Variants in SLCO1B3 observed in about 807,000 individuals in gnomAD.
The protein encoded by SLCO1B3 is solute carrier organic anion transporter family member 1B3.
A neutral mutation model predicts 71.8 loss-of-function variants in SLCO1B3; 72 were observed. The ratio of observed to expected loss-of-function variants is 1.00; its 90% CI spans 0.83 to 1.22. SLCO1B3 has a LOEUF of 1.22. SLCO1B3 is among the 50% of genes most tolerant of loss of function. SLCO1B3 has a pLI of 0.00. For missense variants in SLCO1B3, 911 were observed against 819.7 expected (o/e 1.11, Z -1.36); for synonymous variants, 298 against 278.4 (o/e 1.07, Z -0.70).
chr12:20,882,069 A>G (rs1195795917), intron 12 of SLCO1B3, among the ~76,000 whole-genome samples: 1 of 152,182 alleles, frequency 6.6e-6, no homozygotes, highest in Non-Finnish European at 1.5e-5. Context: ...TTCATCAGCT[A>G]TAGTATCTTT....
At chr12:20,834,447 TTAGG>T (rs1490961191) in intron 3 of SLCO1B3, among the ~76,000 whole-genome samples, 3 of 146,714 alleles carry the variant, frequency 2.0e-5, no homozygotes, top group Admixed American at 1.4e-4. Flanking sequence ...TAATATAACC[TTAGG>T]TAGGGTAATG....
At chr12:20,827,870 C>T (rs1428563979) in intron 3 of SLCO1B3, among the ~76,000 whole-genome samples, 2 of 152,054 alleles carry the variant, frequency 1.3e-5, no homozygotes, top group Non-Finnish European at 2.9e-5. Flanking sequence ...GCACAAGCTC[C>T]AATTTCTTAT....
At chr12:20,883,842 C>T (rs959521985) in intron 13 of SLCO1B3, among the ~76,000 whole-genome samples, 5 of 66,110 alleles carry the variant, frequency 7.6e-5, no homozygotes, top group African/African-American at 1.2e-4. Context: ...AATCTTAAGG[C>T]ACACACTGAT....
chr12:20,814,170 A>G (rs1008441802), intron 2 of SLCO1B3, among the ~76,000 whole-genome samples: 1 of 152,194 alleles, frequency 6.6e-6, no homozygotes, highest in Non-Finnish European at 1.5e-5. Context: ...TGTATGAACA[A>G]GAATACATCT....
chr12:20,839,256 GTC>G (rs1378201727), intron 3 of SLCO1B3, among the ~76,000 whole-genome samples: 2 of 151,850 alleles, frequency 1.3e-5, no homozygotes, highest in Admixed American at 1.3e-4. Context: ...TTTCTGCAGT[GTC>G]TCTCTGTTTT....
At chr12:20,879,699 AAAAT>A in intron 11 of SLCO1B3, 68 bp downstream of exon 11, 1 of 1,040,158 alleles carries the variant, frequency 9.6e-7, no homozygotes, top group Non-Finnish European at 1.4e-6. Context: ...ATGTGCAAGT[AAAAT>A]AAGGTAGAAA....
At chr12:20,914,977 T>A (rs1866464336) in intron 15 of SLCO1B3, among the ~76,000 whole-genome samples, 1 of 152,152 alleles carries the variant, frequency 6.6e-6, no homozygotes, top group Non-Finnish European at 1.5e-5. Flanking sequence ...ATAACAAACC[T>A]ATGCATAGTT....
intron 4 of SLCO1B3, among the ~76,000 whole-genome samples, chr12:20,856,711 C>T (rs1865146780): frequency 6.6e-6 from 1 of 152,160 alleles, no homozygotes; most frequent in Admixed American, 6.5e-5. Flanking sequence ...AGGCGTGTGC[C>T]ACCACATCCG....
chr12:20,882,896 T>C (rs2121313193), intron 12 of SLCO1B3, among the ~76,000 whole-genome samples: 1 of 152,296 alleles, frequency 6.6e-6, no homozygotes, highest in Admixed American at 6.5e-5. Context: ...CAGCACATTC[T>C]TTTGTGTTAA....
chr12:20,862,668 T>A lies in SLCO1B3; in HGVS notation c.629-88T>A. On this transcript the variant is annotated intron_variant, in intron 7 of 15. Transcript: ENST00000381545. ...CCTATTAGAAAAATATTTGCAGAAG[T>A]GTATTGTATAATATTACTTTTAAAA... is the stretch of plus-strand genomic sequence containing the variant. 4 of 1,425,704 alleles carry A rather than the reference T, an allele frequency of 2.8e-6. No homozygotes were observed. The South Asian group carries it at 5.2e-5, about 18-fold the overall frequency. 88.3% of individuals were successfully genotyped at this position (1,425,704 alleles called of 1,614,324 possible). A position where few individuals can be genotyped will look rare whatever the true frequency, so the allele number is the denominator to read the frequency against.
intron 3 of SLCO1B3, among the ~76,000 whole-genome samples, chr12:20,839,195 T>G (rs1209924519): frequency 1.3e-5 from 2 of 151,868 alleles, no homozygotes; most frequent in Non-Finnish European, 2.9e-5. Flanking sequence ...AACTGTTATT[T>G]CTTAGATCAA....
At chr12:20,906,198 GA>G (rs1435099617) in intron 15 of SLCO1B3, among the ~76,000 whole-genome samples, 5 of 151,906 alleles carry the variant, frequency 3.3e-5, no homozygotes, top group African/African-American at 1.2e-4. Flanking sequence ...CCTACAAAAA[GA>G]AAAAAATGAA....
At chr12:20,862,724 C>A in intron 7 of SLCO1B3, 32 bp from the exon 8 acceptor site, 1 of 1,529,178 alleles carries the variant, frequency 6.5e-7, no homozygotes, top group Non-Finnish European at 9.0e-7. Flanking sequence ...GTATTTGTGA[C>A]ATCTGATTAA....
chr12:20,845,610 GA>G (rs886675383), intron 3 of SLCO1B3, among the ~76,000 whole-genome samples: 65 of 112,352 alleles, frequency 5.8e-4, no homozygotes, highest in South Asian at 1.3e-3. Context: ...GCCTGAATAT[GA>G]AAAAAAAAAT....
Position 20,815,685 on chromosome 12 carries a change from A to G in SLCO1B3, c.-54A>G. On this transcript the variant is annotated 5_prime_UTR_variant, in exon 3 of 16. Transcript: ENST00000381545. ...TTCTTTTTTAACAGGTGATCATTTCAAACCAAGCATCAGCAACAATTAAAA... is the reference window on the plus strand; with the variant it reads ...TTCTTTTTTAACAGGTGATCATTTCGAACCAAGCATCAGCAACAATTAAAA... 1.7e-6 allele frequency: 2 copies of G among 1,206,596 alleles called. No individual in the cohort carries two copies. The highest frequency in any genetic ancestry group is 2.4e-6 in the Non-Finnish European group (2 of 825,422). 74.7% of individuals were successfully genotyped at this position (1,206,596 alleles called of 1,614,324 possible). A position where few individuals can be genotyped will look rare whatever the true frequency, so the allele number is the denominator to read the frequency against.
chr12:20,845,776 C>G (rs1325232526), intron 3 of SLCO1B3, among the ~76,000 whole-genome samples: 1 of 152,036 alleles, frequency 6.6e-6, no homozygotes, highest in East Asian at 1.9e-4. Context: ...TTTTTGTTGA[C>G]TTTCTCTCTA....
In SLCO1B3 at chr12:20,898,502, T is replaced by G. The variant is rs755373664; in HGVS notation, c.1747+2T>G. ...AGTCAATGGTTATAAGAACACTAGGTATGACAAATATATAGATTATACATT... is the reference window on the plus strand; with the variant it reads ...AGTCAATGGTTATAAGAACACTAGGGATGACAAATATATAGATTATACATT... On this transcript the variant is annotated splice_donor_variant, in intron 14 of 15. Coordinates refer to ENST00000381545, the MANE Select transcript of SLCO1B3 (RefSeq NM_019844.4). LOFTEE classifies it high-confidence loss of function. 1 of 1,466,230 alleles carries G rather than the reference T, an allele frequency of 6.8e-7. No homozygotes were observed. The highest frequency in any genetic ancestry group is 9.5e-7 in the Non-Finnish European group (1 of 1,051,096). The allele number at this position is 1,466,230 out of a possible 1,614,324, so 90.8% of individuals were successfully genotyped here.
chr12:20,879,403 A>T, intron 10 of SLCO1B3, 33 bp from the exon 11 acceptor site: 1 of 1,439,234 alleles, frequency 6.9e-7, no homozygotes, highest in Non-Finnish European at 9.6e-7. Flanking sequence ...ATATTTGTAT[A>T]ATTATAGCTT....
chr12:20,883,414 T>C lies in SLCO1B3; in HGVS notation c.1498-4T>C, dbSNP rs1258183101. ...TTTGTTAATATTTCAAAAACTATTT[T>C]TAGGTGTTTTATAACTGTAGTTGTG... On this transcript the variant is annotated splice_polypyrimidine_tract_variant and splice_region_variant and intron_variant, in intron 12 of 15. Coordinates refer to ENST00000381545, the MANE Select transcript of SLCO1B3 (RefSeq NM_019844.4). The C allele has an allele frequency of 2.0e-6, 3 of 1,499,658 alleles. No individual in the cohort carries two copies. The highest frequency in any genetic ancestry group is 2.7e-6 in the Non-Finnish European group (3 of 1,120,134). The allele number at this position is 1,499,658 out of a possible 1,614,324, so 92.9% of individuals were successfully genotyped here.
Sources: gnomAD v4.1 joint callset for allele counts (sites outside exome capture counted in the v4.1 genomes callset) on GRCh38, gnomAD v4.1.1 for gene constraint, MANE v1.5 for transcripts, NCBI Gene and HGNC (gene_info 2026-07-23, HGNC 2026-07-21) for gene names.